ATP2B2: variants seen among roughly 807,000 people sequenced by gnomAD.
ATP2B2 encodes ATPase plasma membrane Ca2+ transporting 2.
ATP2B2 carries 15 observed loss-of-function variants against 120.0 expected under a neutral mutation model. That is an observed-to-expected ratio of 0.12 (90% CI 0.08 to 0.19). ATP2B2 has a LOEUF of 0.19. Ranked by LOEUF, ATP2B2 falls within the 10% of genes least tolerant of loss-of-function variation. The probability of loss-of-function intolerance (pLI) is 1.00; values close to 1 mark genes in which losing one functional copy is unlikely to be tolerated. For synonymous variants in ATP2B2, 694 were observed against 700.3 expected (o/e 0.99, Z 0.14); for missense variants, 1,045 against 1,719.8 (o/e 0.61, Z 6.94).
At chr3:10,553,215 G>T (rs560279956) in intron 2 of ATP2B2, among the ~76,000 whole-genome samples, 1 of 152,208 alleles carries the variant, frequency 6.6e-6, no homozygotes, top group East Asian at 1.9e-4. Context: ...GAATTGCAAG[G>T]TTCTAGATTC....
chr3:10,640,297 G>A (rs117492373), intron 1 of ATP2B2, among the ~76,000 whole-genome samples: 1 of 152,346 alleles, frequency 6.6e-6, no homozygotes, highest in East Asian at 1.9e-4. Context: ...GGACAGAAAG[G>A]ACAGGGGTTT....
chr3:10,496,007 A>G (rs1473930408), intron 1 of ATP2B2, among the ~76,000 whole-genome samples: 1 of 152,170 alleles, frequency 6.6e-6, no homozygotes, highest in Admixed American at 6.5e-5. Flanking sequence ...CACACCAAAT[A>G]CTTAGCTAAT....
chr3:10,374,866 G>C (rs1476278286), intron 11 of ATP2B2, among the ~76,000 whole-genome samples: 1 of 152,228 alleles, frequency 6.6e-6, no homozygotes, highest in Non-Finnish European at 1.5e-5. Flanking sequence ...AAGGGGAGGA[G>C]GCTTCTATGA....
At chr3:10,377,367 G>T (rs1208612139) in intron 10 of ATP2B2, among the ~76,000 whole-genome samples, 4 of 152,122 alleles carry the variant, frequency 2.6e-5, no homozygotes, top group Non-Finnish European at 4.4e-5. Context: ...CTGTCACCAG[G>T]CCCCCAAGTT....
intron 1 of ATP2B2, among the ~76,000 whole-genome samples, chr3:10,500,126 C>T (rs1021200244): frequency 8.6e-5 from 13 of 151,682 alleles, no homozygotes; most frequent in African/African-American, 2.9e-4. Flanking sequence ...TTAGTAGAAA[C>T]GGGGTTTTGC....
chr3:10,384,133 C>T (rs568774949), intron 8 of ATP2B2, among the ~76,000 whole-genome samples: 20 of 152,324 alleles, frequency 1.3e-4, no homozygotes, highest in African/African-American at 3.4e-4. Flanking sequence ...TACTCAGCCC[C>T]GACACCTACT....
intron 5 of ATP2B2, 51 bp from the exon 6 acceptor site, chr3:10,388,453 C>T (rs1420725221): frequency 1.2e-6 from 2 of 1,613,472 alleles, no homozygotes; most frequent in South Asian, 2.2e-5. Context: ...GAAGCCGTCT[C>T]CCCAAAGGAG....
chr3:10,430,710 C>G (rs1200247222), intron 2 of ATP2B2, among the ~76,000 whole-genome samples: 1 of 151,770 alleles, frequency 6.6e-6, no homozygotes, highest in Non-Finnish European at 1.5e-5. Flanking sequence ...AAATAGCACC[C>G]CCTACTTGGT....
chr3:10,411,853 G>A (rs1019656270), intron 2 of ATP2B2, among the ~76,000 whole-genome samples: 1 of 152,220 alleles, frequency 6.6e-6, no homozygotes, highest in Non-Finnish European at 1.5e-5. Flanking sequence ...GGAGTGAGGT[G>A]TAGCCAGGTG....
At chr3:10,557,344 T>C (rs4383496) in intron 2 of ATP2B2, among the ~76,000 whole-genome samples, 85,700 of 152,180 alleles carry the variant, frequency 0.56, 24,502 homozygotes, top group East Asian at 0.77. Context: ...AAGCTGCCGA[T>C]GCTTTGCCAG....
Position 10,336,255 on chromosome 3 carries a change from C to T in ATP2B2, c.3420+1921G>A, listed in dbSNP as rs749398157. ...GTGACCGAGGACTGTCTCCGCAGGG[C>T]CCCCTGAAAGGAGGCCCCGCTCTTG... On this transcript the variant is annotated intron_variant, in intron 22 of 22. Coordinates refer to ENST00000360273, the MANE Select transcript of ATP2B2 (RefSeq NM_001001331.4). 5 of 1,550,582 alleles carry T rather than the reference C, an allele frequency of 3.2e-6. 1 individual carries two copies. The South Asian group carries it at 4.8e-5, about 15-fold the overall frequency.
At chr3:10,524,592 A>T (rs554185641) in intron 3 of ATP2B2, among the ~76,000 whole-genome samples, 2 of 152,076 alleles carry the variant, frequency 1.3e-5, no homozygotes, top group African/African-American at 4.8e-5. Context: ...CCAAGTTTCC[A>T]TCTCTCAATA....
chr3:10,687,688 C>T (rs537323058), intron 1 of ATP2B2, among the ~76,000 whole-genome samples: 143 of 152,200 alleles, frequency 9.4e-4, no homozygotes, highest in African/African-American at 3.3e-3. Flanking sequence ...TGGTGAAACC[C>T]CATCTCTCCT....
chr3:10,428,053 C>T (rs2063198114), intron 2 of ATP2B2, among the ~76,000 whole-genome samples: 1 of 152,170 alleles, frequency 6.6e-6, no homozygotes, highest in South Asian at 2.1e-4. Flanking sequence ...ACACCCAATC[C>T]GATTTCCTAG....
At chr3:10,379,909 G>A (rs1489151232) in intron 8 of ATP2B2, among the ~76,000 whole-genome samples, 6 of 152,128 alleles carry the variant, frequency 3.9e-5, no homozygotes, top group Non-Finnish European at 5.9e-5. Context: ...TCTGAAGAGT[G>A]TGAAGCCACC....
At chr3:10,488,223 A>T (rs1349142838) in intron 1 of ATP2B2, among the ~76,000 whole-genome samples, 1 of 142,432 alleles carries the variant, frequency 7.0e-6, no homozygotes, top group Non-Finnish European at 1.5e-5. Flanking sequence ...CCATCCATCC[A>T]CTCATCCACC....
chr3:10,522,496 T>C (rs2125457367), intron 3 of ATP2B2, among the ~76,000 whole-genome samples: 1 of 152,338 alleles, frequency 6.6e-6, no homozygotes, highest in South Asian at 2.1e-4. Flanking sequence ...AGTAACTTTC[T>C]GTGTGCATAG....
chr3:10,494,808 T>C (rs1036115297), intron 1 of ATP2B2, among the ~76,000 whole-genome samples: 1 of 152,034 alleles, frequency 6.6e-6, no homozygotes, highest in South Asian at 2.1e-4. Flanking sequence ...CGGCATTGGG[T>C]GGGGGCTACG....
intron 14 of ATP2B2, among the ~76,000 whole-genome samples, chr3:10,357,778 C>T (rs762554920): frequency 8.7e-4 from 132 of 152,210 alleles, no homozygotes; most frequent in Non-Finnish European, 1.6e-3. Context: ...CCATGGTGCT[C>T]CCCTGGGGCC....
Sources: gnomAD v4.1 joint callset for allele counts (sites outside exome capture counted in the v4.1 genomes callset) on GRCh38, gnomAD v4.1.1 for gene constraint, MANE v1.5 for transcripts, NCBI Gene and HGNC (gene_info 2026-07-23, HGNC 2026-07-21) for gene names.